The following NPAS3 variants were observed in gnomAD, a reference collection of about 807,000 sequenced individuals.
The protein encoded by NPAS3 is neuronal PAS domain protein 3.
A neutral mutation model predicts 73.1 loss-of-function variants in NPAS3; 14 were observed. That is an observed-to-expected ratio of 0.19 (90% CI 0.13 to 0.30). The LOEUF (loss-of-function observed/expected upper bound fraction) is 0.30, where lower values mean the gene tolerates loss of function less well. Ranked by LOEUF, NPAS3 falls within the 10% of genes least tolerant of loss-of-function variation. The pLI is 1.00. For missense variants in NPAS3, 1,096 were observed against 1,250.0 expected (o/e 0.88, Z 1.86); for synonymous variants, 620 against 541.5 (o/e 1.14, Z -2.01).
chr14:33,196,153 G>C (rs1396410596), intron 2 of NPAS3, among the ~76,000 whole-genome samples: 1 of 96,782 alleles, frequency 1.0e-5, no homozygotes, highest in African/African-American at 3.1e-5. Context: ...ATGAATAACT[G>C]TGAGTTTTCT....
chr14:32,935,384 G>T (rs540922777), upstream of NPAS3, among the ~76,000 whole-genome samples: 1 of 152,232 alleles, frequency 6.6e-6, no homozygotes, highest in African/African-American at 2.4e-5. Flanking sequence ...CATACGGACA[G>T]CTAGGGGGGC....
At chr14:33,412,975 A>G (rs1179678031) in intron 4 of NPAS3, among the ~76,000 whole-genome samples, 1 of 152,234 alleles carries the variant, frequency 6.6e-6, no homozygotes, top group Non-Finnish European at 1.5e-5. Context: ...ATATTGTTTT[A>G]GTTACAAAAT....
intron 5 of NPAS3, among the ~76,000 whole-genome samples, chr14:33,668,750 C>T (rs946654451): frequency 6.6e-6 from 1 of 152,118 alleles, no homozygotes; most frequent in African/African-American, 2.4e-5. Context: ...GCCCAGGAGG[C>T]GGAGGTTGCA....
At chr14:33,264,954 C>G (rs1281685998) in intron 3 of NPAS3, among the ~76,000 whole-genome samples, 1 of 152,210 alleles carries the variant, frequency 6.6e-6, no homozygotes, top group Non-Finnish European at 1.5e-5. Context: ...ATAAGTTTCT[C>G]TCAGTAACTG....
intron 4 of NPAS3, among the ~76,000 whole-genome samples, chr14:33,454,748 A>G (rs796427978): frequency 6.6e-6 from 1 of 152,184 alleles, no homozygotes; most frequent in Non-Finnish European, 1.5e-5. Flanking sequence ...TCTACCGCTC[A>G]ACTATTACTG....
At chr14:33,002,541 G>A (rs1027638010) in intron 1 of NPAS3, among the ~76,000 whole-genome samples, 18 of 152,160 alleles carry the variant, frequency 1.2e-4, no homozygotes, top group Non-Finnish European at 2.2e-4. Flanking sequence ...TTCAGACAGC[G>A]AAGTGGCCCT....
intron 5 of NPAS3, among the ~76,000 whole-genome samples, chr14:33,666,433 A>C (rs2059452006): frequency 6.6e-6 from 1 of 152,226 alleles, no homozygotes; most frequent in African/African-American, 2.4e-5. Context: ...AGTGCTACTC[A>C]AAGTGTGAAT....
chr14:33,565,622 G>GA (rs142762922), intron 5 of NPAS3, among the ~76,000 whole-genome samples: 158 of 146,764 alleles, frequency 1.1e-3, no homozygotes, highest in Non-Finnish European at 1.8e-3. Context: ...TAGTGGGGTT[G>GA]AAAAAAAAAA....
intron 2 of NPAS3, among the ~76,000 whole-genome samples, chr14:33,066,678 A>G (rs1200464187): frequency 6.6e-6 from 1 of 152,198 alleles, no homozygotes; most frequent in Non-Finnish European, 1.5e-5. Flanking sequence ...AGACTCTGAA[A>G]CAGAGACAGG....
chr14:32,972,884 C>T (rs1031246206), intron 1 of NPAS3, among the ~76,000 whole-genome samples: 1 of 152,236 alleles, frequency 6.6e-6, no homozygotes, highest in Non-Finnish European at 1.5e-5. Context: ...AAAGCACCCT[C>T]TCTCACACAC....
At chr14:33,750,575 A>G (rs1185689225) in intron 7 of NPAS3, among the ~76,000 whole-genome samples, 1 of 152,188 alleles carries the variant, frequency 6.6e-6, no homozygotes, top group Non-Finnish European at 1.5e-5. Flanking sequence ...TCAGTTTGTA[A>G]TAACCTGAGA....
chr14:33,629,460 C>T (rs1254772102), intron 5 of NPAS3, among the ~76,000 whole-genome samples: 1 of 152,132 alleles, frequency 6.6e-6, no homozygotes, highest in African/African-American at 2.4e-5. Flanking sequence ...TTTTGGTTTG[C>T]ATCCTGGATA....
At chr14:33,174,350 G>A (rs2045509670) in intron 2 of NPAS3, among the ~76,000 whole-genome samples, 1 of 152,134 alleles carries the variant, frequency 6.6e-6, no homozygotes, top group South Asian at 2.1e-4. Flanking sequence ...GAAGAGCCTT[G>A]GTACGGTTAT....
intron 3 of NPAS3, among the ~76,000 whole-genome samples, chr14:33,292,436 G>C (rs1387601431): frequency 2.0e-5 from 3 of 152,074 alleles, no homozygotes; most frequent in African/African-American, 7.2e-5. Context: ...GGCTAGTGTG[G>C]CTAGATTTTA....
At chr14:33,203,303 A>G (rs1447845465) in intron 2 of NPAS3, among the ~76,000 whole-genome samples, 1 of 152,196 alleles carries the variant, frequency 6.6e-6, no homozygotes, top group Admixed American at 6.5e-5. Context: ...TAGTAGGACC[A>G]TGTCTTTTTT....
chr14:33,611,860 TATA>T (rs540733831), intron 5 of NPAS3, among the ~76,000 whole-genome samples: 117 of 152,330 alleles, frequency 7.7e-4, no homozygotes, highest in South Asian at 1.9e-3. Flanking sequence ...TTTTCCTTAA[TATA>T]ATCTATTTTA....
chr14:32,950,950 G>A (rs1330954494), intron 1 of NPAS3, among the ~76,000 whole-genome samples: 2 of 152,032 alleles, frequency 1.3e-5, no homozygotes, highest in African/African-American at 4.8e-5. Flanking sequence ...CAATGGGCAG[G>A]CAAAAAGCAA....
At chr14:33,334,366 T>C (rs2044120814) in intron 3 of NPAS3, among the ~76,000 whole-genome samples, 1 of 152,172 alleles carries the variant, frequency 6.6e-6, no homozygotes, top group Non-Finnish European at 1.5e-5. Context: ...CCTTCATGCC[T>C]ACCTGCAGTC....
intron 6 of NPAS3, among the ~76,000 whole-genome samples, chr14:33,733,872 CAT>C (rs2061459784): frequency 6.6e-6 from 1 of 152,012 alleles, no homozygotes; most frequent in South Asian, 2.1e-4. Flanking sequence ...AATAGGAAAA[CAT>C]AGTCATGTTA....
Sources: gnomAD v4.1 joint callset for allele counts (sites outside exome capture counted in the v4.1 genomes callset) on GRCh38, gnomAD v4.1.1 for gene constraint, MANE v1.5 for transcripts, NCBI Gene and HGNC (gene_info 2026-07-23, HGNC 2026-07-21) for gene names.